Variants in DNAH6 observed in about 807,000 individuals in gnomAD.
DNAH6 encodes axonemal beta dynein heavy chain 6.
In DNAH6, 340 loss-of-function variants were observed where a neutral mutation model predicts 491.4. The observed-to-expected ratio is 0.69, with a 90% CI of 0.63 to 0.76. DNAH6 has a LOEUF of 0.76. DNAH6 is among the 30% of genes least tolerant of loss of function. The probability of loss-of-function intolerance (pLI) is 0.00; values close to 1 mark genes in which losing one functional copy is unlikely to be tolerated. For missense variants in DNAH6, 4,443 were observed against 4,972.2 expected (o/e 0.89, Z 3.20); for synonymous variants, 1,603 against 1,686.1 (o/e 0.95, Z 1.21).
At position 84,701,209 on chromosome 2, in the gene DNAH6, G is replaced by C; in HGVS notation, c.7931G>C (p.Ser2644Thr). ...LPLMCVNVHL[S>T]VSSMAERYYN... ...TTGATGTGCGTGAACGTTCACTTGAGTGTCTCCAGCATGGCAGAGCGCTAT... is the reference window on the plus strand; with the variant it reads ...TTGATGTGCGTGAACGTTCACTTGACTGTCTCCAGCATGGCAGAGCGCTAT... The change falls in exon 49 of 77, where the codon AGT becomes ACT. Residue 2644 changes from serine (S) to threonine (T), a missense_variant. Coordinates refer to ENST00000389394, the MANE Select transcript of DNAH6 (RefSeq NM_001370.2). The C allele has an allele frequency of 6.4e-7, 1 of 1,551,790 alleles. No homozygotes were observed. The highest frequency in any genetic ancestry group is 8.7e-7 in the Non-Finnish European group (1 of 1,147,018).
chr2:84,684,641 G>A (rs765094713), intron 42 of DNAH6, among the ~76,000 whole-genome samples: 2 of 152,216 alleles, frequency 1.3e-5, no homozygotes, highest in Non-Finnish European at 2.9e-5. Context: ...CATGCTGTGT[G>A]GTACCCACTC....
chr2:84,502,627 A>G, the DNAH6 span, among the ~76,000 whole-genome samples: 16 of 152,296 alleles, frequency 1.1e-4, no homozygotes, highest in African/African-American at 3.8e-4. Flanking sequence ...TGGAGTCTCC[A>G]GCTATTATTG....
rs1686459476 is a variant in DNAH6 at position 84,612,819 on chromosome 2, C to G, written c.3475+965C>G. ...TTAACTTAATCACACCTGCAAAGTT[C>G]CTTTCCATGTATACTAACATATCCA... On this transcript the variant is annotated intron_variant, in intron 22 of 76. Coordinates refer to ENST00000389394, the MANE Select transcript of DNAH6 (RefSeq NM_001370.2). 3.3e-5 allele frequency among the ~76,000 whole-genome samples: 5 copies of G among 151,978 alleles called. No individual in the cohort carries two copies. In the South Asian group the frequency reaches 1.0e-3, roughly 32 times the overall value.
At chr2:84,544,557 A>G (rs949282078) in intron 5 of DNAH6, 57 bp downstream of exon 5, 2 of 1,026,954 alleles carry the variant, frequency 1.9e-6, no homozygotes, top group Non-Finnish European at 2.8e-6. Context: ...GAAAGTGTGA[A>G]TCTATTAAGC....
intron 57 of DNAH6, among the ~76,000 whole-genome samples, chr2:84,714,487 G>A (rs899061251): frequency 3.3e-5 from 5 of 152,128 alleles, no homozygotes; most frequent in Non-Finnish European, 5.9e-5. Flanking sequence ...GGTAGGGATA[G>A]TTAATGGGGA....
chr2:84,669,857 A>G (rs190432092), intron 38 of DNAH6, among the ~76,000 whole-genome samples: 73 of 152,272 alleles, frequency 4.8e-4, no homozygotes, highest in Non-Finnish European at 8.4e-4. Flanking sequence ...GTTGATAGAG[A>G]TCAGCTCATC....
chr2:84,808,237 A>G (rs1679631159), intron 71 of DNAH6, among the ~76,000 whole-genome samples, 178 bp from the exon 72 acceptor site: 1 of 152,146 alleles, frequency 6.6e-6, no homozygotes, highest in African/African-American at 2.4e-5. Flanking sequence ...ATATAAACAC[A>G]GTTGAATCAC....
chr2:84,622,343 T>C (rs1161401304), intron 26 of DNAH6, among the ~76,000 whole-genome samples: 1 of 152,214 alleles, frequency 6.6e-6, no homozygotes, highest in Non-Finnish European at 1.5e-5. Flanking sequence ...TTTTTTCTTT[T>C]TTAAGAGACA....
At chr2:84,676,863 A>G in intron 40 of DNAH6, 142 bp from the exon 41 acceptor site, 1 of 904,186 alleles carries the variant, frequency 1.1e-6, no homozygotes. Context: ...GATCTCTTGG[A>G]GTGATTGTGA....
chr2:84,749,560 G>C (rs754344932), intron 63 of DNAH6, among the ~76,000 whole-genome samples: 8 of 152,222 alleles, frequency 5.3e-5, no homozygotes, highest in Non-Finnish European at 1.2e-4. Context: ...GAACTGCAAG[G>C]TTAGGCTGTT....
At chr2:84,738,067 A>G (rs1354086214) in intron 62 of DNAH6, among the ~76,000 whole-genome samples, 2 of 152,086 alleles carry the variant, frequency 1.3e-5, no homozygotes, top group Non-Finnish European at 1.5e-5. Flanking sequence ...ATCTGTTTCA[A>G]AAAAGTTTTT....
At chr2:84,778,823 C>T (rs971645312) in intron 64 of DNAH6, among the ~76,000 whole-genome samples, 4 of 152,076 alleles carry the variant, frequency 2.6e-5, no homozygotes, top group Non-Finnish European at 5.9e-5. Flanking sequence ...TTGCTGCATC[C>T]CAGAGATTTC....
chr2:84,660,974 A>G (rs989226406), intron 37 of DNAH6, among the ~76,000 whole-genome samples: 2 of 152,140 alleles, frequency 1.3e-5, no homozygotes, highest in Non-Finnish European at 2.9e-5. Context: ...GCTATAAATT[A>G]TATTATTGGA....
chr2:84,499,203 C>T, the DNAH6 span, among the ~76,000 whole-genome samples: 1 of 151,892 alleles, frequency 6.6e-6, no homozygotes, highest in Admixed American at 6.6e-5. Context: ...CACTACCCTT[C>T]CCAGTCTCTG....
chr2:84,753,622 T>C (rs912835227), intron 63 of DNAH6, among the ~76,000 whole-genome samples: 1 of 151,690 alleles, frequency 6.6e-6, no homozygotes, highest in Non-Finnish European at 1.5e-5. Context: ...CCAGGTGTGG[T>C]GGTGCATACC....
intron 21 of DNAH6, 69 bp from the exon 22 acceptor site, chr2:84,611,604 GA>G (rs1178347570): frequency 8.2e-6 from 11 of 1,333,400 alleles, no homozygotes; most frequent in Admixed American, 4.2e-5. Context: ...CCTGTGTCAT[GA>G]TTTTTACTGT....
At chr2:84,685,520 C>T (rs1394748486) in intron 43 of DNAH6, 48 bp downstream of exon 43, 1 of 1,248,472 alleles carries the variant, frequency 8.0e-7, no homozygotes, top group Non-Finnish European at 1.1e-6. Flanking sequence ...AGTAGAAAAG[C>T]AATTTGGTTT....
intron 59 of DNAH6, among the ~76,000 whole-genome samples, chr2:84,719,177 C>T (rs1050618576): frequency 8.5e-5 from 13 of 152,108 alleles, no homozygotes; most frequent in Non-Finnish European, 1.9e-4. Flanking sequence ...ATTGTATAGT[C>T]CCTTGAGATT....
chr2:84,493,025 A>G, the DNAH6 span, among the ~76,000 whole-genome samples: 2 of 151,976 alleles, frequency 1.3e-5, no homozygotes, highest in East Asian at 1.9e-4. Flanking sequence ...TCTATATACT[A>G]CATGTATATA....
Sources: gnomAD v4.1 joint callset for allele counts (sites outside exome capture counted in the v4.1 genomes callset) on GRCh38, gnomAD v4.1.1 for gene constraint, MANE v1.5 for transcripts, NCBI Gene and HGNC (gene_info 2026-07-23, HGNC 2026-07-21) for gene names.